Variants in FAM53B observed in about 807,000 individuals in gnomAD.
FAM53B encodes the protein protein FAM53B.
A neutral mutation model predicts 32.7 loss-of-function variants in FAM53B; 12 were observed. That is an observed-to-expected ratio of 0.37 (90% CI 0.24 to 0.59). The LOEUF is 0.59. Among genes scored for constraint, FAM53B ranks in the 20% least tolerant of loss-of-function variants. The probability of loss-of-function intolerance (pLI) is 0.72; values close to 1 mark genes in which losing one functional copy is unlikely to be tolerated. For missense variants in FAM53B, 477 were observed against 577.7 expected (o/e 0.83, Z 1.79); for synonymous variants, 234 against 228.7 (o/e 1.02, Z -0.21).
intron 4 of FAM53B, among the ~76,000 whole-genome samples, chr10:124,629,071 C>T (rs1949374002): frequency 6.6e-6 from 1 of 152,240 alleles, no homozygotes; most frequent in South Asian, 2.1e-4. Context: ...ATAGGTTATG[C>T]ACCTGCTTCT....
chr10:124,655,089 G>T (rs1429753209), intron 4 of FAM53B, among the ~76,000 whole-genome samples: 1 of 152,118 alleles, frequency 6.6e-6, no homozygotes, highest in Non-Finnish European at 1.5e-5. Context: ...GAGCTCCAGG[G>T]CCCGGGGCTG....
chr10:124,657,120 A>G (rs201668427), intron 4 of FAM53B, among the ~76,000 whole-genome samples: 14 of 123,468 alleles, frequency 1.1e-4, no homozygotes, highest in East Asian at 1.0e-3. Context: ...GTGTGTGTGT[A>G]TATATATGTG....
At chr10:124,693,643 G>A (rs1949849780) in intron 3 of FAM53B, among the ~76,000 whole-genome samples, 1 of 152,152 alleles carries the variant, frequency 6.6e-6, no homozygotes, top group East Asian at 1.9e-4. Flanking sequence ...TCCAGCAAGC[G>A]CAGGAAAGGG....
chr10:124,692,163 G>C (rs772015086), intron 3 of FAM53B, among the ~76,000 whole-genome samples: 1 of 152,176 alleles, frequency 6.6e-6, no homozygotes, highest in Admixed American at 6.5e-5. Flanking sequence ...CTGTGGTGGC[G>C]GCTGAGCTGG....
chr10:124,732,991 T>C lies in FAM53B; in HGVS notation c.-175+11022A>G, dbSNP rs910607098. On this transcript the variant is annotated intron_variant, in intron 1 of 4. Coordinates refer to ENST00000337318, the MANE Select transcript of FAM53B (RefSeq NM_014661.4). ...AGTTTGCTGCTCAACTTTTGGCCTA[T>C]GCGGACGCAGCCAGGCCAGATCCTC... Among the ~76,000 whole-genome samples, 3 of 152,348 alleles carry C rather than the reference T, an allele frequency of 2.0e-5. No individual in the cohort carries two copies. The East Asian group carries it at 5.8e-4, about 29-fold the overall frequency.
intron 1 of FAM53B, among the ~76,000 whole-genome samples, chr10:124,715,673 T>A (rs1233493451): frequency 6.6e-6 from 1 of 152,188 alleles, no homozygotes; most frequent in African/African-American, 2.4e-5. Context: ...TAAGTCAGTA[T>A]CACAGCAAGA....
At chr10:124,735,127 G>A (rs1393009858) in intron 1 of FAM53B, among the ~76,000 whole-genome samples, 6 of 152,150 alleles carry the variant, frequency 3.9e-5, no homozygotes, top group Admixed American at 2.0e-4. Context: ...CTCCCCCAAC[G>A]TGAGAGGAAG....
rs891677201 is a variant in FAM53B at position 124,691,125 on chromosome 10, C to T, written c.133+5033G>A. ...ACAAACAGTGGCTGAGTTTAAAGAC[C>T]AAAAGCTACCAAATCTCAAAGCAAA... On this transcript the variant is annotated intron_variant, in intron 3 of 4. Transcript: ENST00000337318. 4.6e-5 allele frequency among the ~76,000 whole-genome samples: 7 copies of T among 152,174 alleles called. No homozygotes were observed. In the South Asian group the frequency reaches 8.3e-4, roughly 18 times the overall value.
intron 4 of FAM53B, among the ~76,000 whole-genome samples, chr10:124,680,310 C>T (rs1356610169): frequency 5.3e-5 from 8 of 152,194 alleles, no homozygotes; most frequent in African/African-American, 1.7e-4. Flanking sequence ...CACCATCTTG[C>T]CCTCCCATAA....
At position 124,619,383 on chromosome 10, in the gene FAM53B, T is replaced by TTC. The variant is rs1227258302; in HGVS notation, c.*3858_*3859insGA. The TTC allele has an allele frequency of 6.6e-6, 1 of 152,570 alleles. No individual in the cohort carries two copies. The highest frequency in any genetic ancestry group is 2.4e-5 in the African/African-American group (1 of 41,420). The allele number at this position is 152,570 out of a possible 1,614,324, so 9.5% of individuals were successfully genotyped here. On this transcript the variant is annotated 3_prime_UTR_variant, in exon 5 of 5. Coordinates refer to ENST00000337318, the MANE Select transcript of FAM53B (RefSeq NM_014661.4). ...AGCGGCTGGAGTGCAAGCCACAGCC[T>TTC]GTGCGGGGAGGCCAGGCTGCAGGGG...
chr10:124,715,731 T>C (rs981691498), intron 1 of FAM53B, among the ~76,000 whole-genome samples: 1 of 152,252 alleles, frequency 6.6e-6, no homozygotes, highest in Non-Finnish European at 1.5e-5. Flanking sequence ...CCAGAGGAGC[T>C]GCAGGGCCCT....
intron 4 of FAM53B, among the ~76,000 whole-genome samples, chr10:124,628,623 G>A (rs894857328): frequency 5.9e-5 from 9 of 152,218 alleles, no homozygotes; most frequent in African/African-American, 2.2e-4. Flanking sequence ...TGTCCCACCT[G>A]GAGTCCCAAA....
chr10:124,673,651 A>G (rs1329362679), intron 4 of FAM53B, among the ~76,000 whole-genome samples: 1 of 152,166 alleles, frequency 6.6e-6, no homozygotes, highest in Non-Finnish European at 1.5e-5. Flanking sequence ...CTCCTGACTG[A>G]GGGACCTGAA....
chr10:124,715,516 C>G (rs536222728), intron 1 of FAM53B, among the ~76,000 whole-genome samples: 35 of 152,332 alleles, frequency 2.3e-4, no homozygotes, highest in Non-Finnish European at 2.1e-4. Context: ...CCACTGCCAC[C>G]CTGTCCTTCT....
chr10:124,657,119 T>TATATATATGTGTGTATATAC (rs2134054228), intron 4 of FAM53B, among the ~76,000 whole-genome samples: 2 of 146,090 alleles, frequency 1.4e-5, no homozygotes, highest in South Asian at 4.3e-4. Context: ...TGTGTGTGTG[T>TATATATATGTGTGTATATAC]ATATATATGT....
At chr10:124,636,175 T>G (rs2134041501) in intron 4 of FAM53B, among the ~76,000 whole-genome samples, 1 of 152,350 alleles carries the variant, frequency 6.6e-6, no homozygotes, top group African/African-American at 2.4e-5. Flanking sequence ...CATGATCGCT[T>G]GTGTTTTCCA....
chr10:124,705,915 G>A (rs1217137435), intron 2 of FAM53B, among the ~76,000 whole-genome samples: 2 of 152,210 alleles, frequency 1.3e-5, no homozygotes, highest in Non-Finnish European at 2.9e-5. Context: ...TCCTGATCAC[G>A]GAAGCTGCAG....
chr10:124,672,100 C>T (rs562984452), intron 4 of FAM53B, among the ~76,000 whole-genome samples: 2 of 152,338 alleles, frequency 1.3e-5, no homozygotes, highest in African/African-American at 4.8e-5. Context: ...GTGCCTGGGG[C>T]GACAGAGGCT....
chr10:124,737,206 A>G (rs556628210), intron 1 of FAM53B, among the ~76,000 whole-genome samples: 1 of 152,224 alleles, frequency 6.6e-6, no homozygotes, highest in African/African-American at 2.4e-5. Flanking sequence ...AAAAATAGCA[A>G]TTCTCCTCTT....
Sources: allele counts gnomAD v4.1 joint callset (sites outside exome capture counted in the v4.1 genomes callset), GRCh38; gene constraint gnomAD v4.1.1; transcripts MANE v1.5; gene names NCBI Gene and HGNC (gene_info 2026-07-23, HGNC 2026-07-21).